The following TMEM178B variants were observed in gnomAD, a reference collection of about 807,000 sequenced individuals.
TMEM178B encodes transmembrane protein 178B.
In TMEM178B, 5 loss-of-function variants were observed where a neutral mutation model predicts 31.0. The ratio of observed to expected loss-of-function variants is 0.16; its 90% CI spans 0.08 to 0.34. The LOEUF (loss-of-function observed/expected upper bound fraction) is 0.34, where lower values mean the gene tolerates loss of function less well. Among genes scored for constraint, TMEM178B ranks in the 10% least tolerant of loss-of-function variants. The pLI is 1.00. For synonymous variants in TMEM178B, 164 were observed against 164.0 expected (o/e 1.00, Z 0.00); for missense variants, 275 against 400.3 (o/e 0.69, Z 2.67).
intron 2 of TMEM178B, among the ~76,000 whole-genome samples, chr7:141,432,346 G>C (rs554755923): frequency 6.6e-6 from 1 of 151,882 alleles, no homozygotes; most frequent in Admixed American, 6.6e-5. Flanking sequence ...ATAGAGACAG[G>C]GTTTCACCAT....
intron 1 of TMEM178B, among the ~76,000 whole-genome samples, chr7:141,090,011 A>T (rs927734517): frequency 2.9e-4 from 44 of 151,962 alleles, no homozygotes; most frequent in Non-Finnish European, 4.9e-4. Flanking sequence ...AGTATAATAA[A>T]AAAAAAAGTC....
At chr7:141,141,052 C>T (rs916122805) in intron 1 of TMEM178B, among the ~76,000 whole-genome samples, 4 of 152,146 alleles carry the variant, frequency 2.6e-5, no homozygotes, top group African/African-American at 9.7e-5. Flanking sequence ...CTTTAGGATG[C>T]AGTATCTATA....
At chr7:141,198,767 C>T (rs1054384144) in intron 1 of TMEM178B, among the ~76,000 whole-genome samples, 3 of 152,148 alleles carry the variant, frequency 2.0e-5, no homozygotes, top group Non-Finnish European at 2.9e-5. Flanking sequence ...CTTCTCGCCT[C>T]GTTTGTCTGT....
chr7:141,308,085 CTTT>C (rs1798847977), intron 2 of TMEM178B, among the ~76,000 whole-genome samples: 1 of 152,162 alleles, frequency 6.6e-6, no homozygotes, highest in South Asian at 2.1e-4. Context: ...TTTGTATCCC[CTTT>C]TGAAGATGAA....
chr7:141,097,793 C>CTTTTTTTTT (rs552569756), intron 1 of TMEM178B, among the ~76,000 whole-genome samples: 3 of 125,938 alleles, frequency 2.4e-5, no homozygotes, highest in Admixed American at 7.9e-5. Flanking sequence ...TTCTTTCTTT[C>CTTTTTTTTT]TTTTTTTTTT....
intron 2 of TMEM178B, among the ~76,000 whole-genome samples, chr7:141,436,710 G>T (rs988994693): frequency 1.3e-5 from 2 of 152,086 alleles, no homozygotes; most frequent in Admixed American, 1.3e-4. Flanking sequence ...GTGCAGGAGG[G>T]CAGGGGTGGG....
In TMEM178B at chr7:141,478,694, A is replaced by T. The variant is rs1187016763; in HGVS notation, c.*7908A>T. The T allele has an allele frequency of 6.6e-6, 1 of 152,168 alleles. No homozygotes were observed. The highest frequency in any genetic ancestry group is 2.4e-5 in the African/African-American group (1 of 41,436). 9.4% of individuals were successfully genotyped at this position (152,168 alleles called of 1,614,324 possible). On this transcript the variant is annotated 3_prime_UTR_variant, in exon 4 of 4. Coordinates refer to ENST00000565468, the MANE Select transcript of TMEM178B (RefSeq NM_001195278.2). Reference sequence around the variant, plus strand: ...GGGATATTTTACATTCTTTTTTCCAAATGAAGTCTTCAAAATCCAATGTGA... The same window carrying T: ...GGGATATTTTACATTCTTTTTTCCATATGAAGTCTTCAAAATCCAATGTGA...
chr7:141,335,911 C>G (rs971033386), intron 2 of TMEM178B, among the ~76,000 whole-genome samples: 1 of 152,096 alleles, frequency 6.6e-6, no homozygotes, highest in Non-Finnish European at 1.5e-5. Context: ...AAGCCGGGCT[C>G]TATGCGTGAA....
In TMEM178B at chr7:141,133,766, A is replaced by G. The variant is rs183915036; in HGVS notation, c.382+59074A>G. On this transcript the variant is annotated intron_variant, in intron 1 of 3. Transcript: ENST00000565468. ...TCTCAAATAGATTCAACCCAAGAAG[A>G]TCTTCCCCAAGGCAGATTGTGGTCA... is the stretch of plus-strand genomic sequence containing the variant. 7.9e-5 allele frequency among the ~76,000 whole-genome samples: 12 copies of G among 152,338 alleles called. 1 individual carries two copies. The East Asian group carries it at 2.3e-3, about 29-fold the overall frequency.
At chr7:141,163,860 A>G (rs529244792) in intron 1 of TMEM178B, among the ~76,000 whole-genome samples, 1 of 152,188 alleles carries the variant, frequency 6.6e-6, no homozygotes, top group Non-Finnish European at 1.5e-5. Context: ...GCAAAGGTAT[A>G]GATATTTGAA....
chr7:141,422,896 G>A lies in TMEM178B; in HGVS notation c.497-14712G>A, dbSNP rs182948174. ...TTGCAGAACTAGATCGGGGCACTTT[G>A]TAGCAAGCTCTACACAAGGTCTCAC... is the stretch of plus-strand genomic sequence containing the variant. On this transcript the variant is annotated intron_variant, in intron 2 of 3. Transcript: ENST00000565468. This position sits in a 1 kb window ranked among gnomAD's most constrained non-coding sequence, Gnocchi z 4.2. Among the ~76,000 whole-genome samples, 170 of 150,828 alleles carry A rather than the reference G, an allele frequency of 1.1e-3. 1 individual carries two copies. The highest frequency in any genetic ancestry group is 4.0e-3 in the African/African-American group (162 of 40,984).
At chr7:141,199,518 TTC>T (rs747976515) in intron 1 of TMEM178B, among the ~76,000 whole-genome samples, 25 of 152,202 alleles carry the variant, frequency 1.6e-4, no homozygotes, top group Admixed American at 1.2e-3. Context: ...GGGAGGCTGC[TTC>T]TCTCTCTTTA....
In TMEM178B at chr7:141,468,877, G is replaced by A. The variant is rs186217504; in HGVS notation, c.635-1659G>A. On this transcript the variant is annotated intron_variant, in intron 3 of 3. Coordinates refer to ENST00000565468, the MANE Select transcript of TMEM178B (RefSeq NM_001195278.2). ...AGACCGGCTTGAGGTGGCGGCGTCT[G>A]ATACATAGGGCTCAAAGATTGGTTG... Among the ~76,000 whole-genome samples, 4 of 152,322 alleles carry A rather than the reference G, an allele frequency of 2.6e-5. No homozygotes were observed. In the East Asian group the frequency reaches 7.7e-4, roughly 29 times the overall value.
In TMEM178B at chr7:141,220,603, C is replaced by T. The variant is rs527598824; in HGVS notation, c.496+7899C>T. 3.9e-5 allele frequency among the ~76,000 whole-genome samples: 6 copies of T among 152,212 alleles called. No homozygotes were observed. The South Asian group carries it at 1.2e-3, about 32-fold the overall frequency. ...CTGTTAAAAACATCCACGTCCTGAA[C>T]AAAACCTAAGAACCACTGTGCTGGT... On this transcript the variant is annotated intron_variant, in intron 2 of 3. Coordinates refer to ENST00000565468, the MANE Select transcript of TMEM178B (RefSeq NM_001195278.2).
At chr7:141,225,147 G>T (rs893333575) in intron 2 of TMEM178B, among the ~76,000 whole-genome samples, 1 of 152,128 alleles carries the variant, frequency 6.6e-6, no homozygotes. Flanking sequence ...GAAGAGGCAG[G>T]ACTAGAATCC....
intron 3 of TMEM178B, among the ~76,000 whole-genome samples, chr7:141,451,552 T>C (rs1380928239): frequency 1.3e-5 from 2 of 152,138 alleles, no homozygotes; most frequent in Non-Finnish European, 2.9e-5. Context: ...ACCATTAACT[T>C]ACTGACACGG....
chr7:141,210,024 T>A (rs542317960), intron 1 of TMEM178B, among the ~76,000 whole-genome samples: 15 of 152,132 alleles, frequency 9.9e-5, no homozygotes, highest in Admixed American at 2.0e-4. Flanking sequence ...CATTATCACA[T>A]TTTCCTTTAT....
At chr7:141,168,042 C>A (rs1047138541) in intron 1 of TMEM178B, among the ~76,000 whole-genome samples, 2 of 152,180 alleles carry the variant, frequency 1.3e-5, no homozygotes, top group East Asian at 1.9e-4. Context: ...GTTTATGCAT[C>A]TTTTTCAGGC....
At chr7:141,292,568 C>T (rs1402787231) in intron 2 of TMEM178B, among the ~76,000 whole-genome samples, 1 of 151,928 alleles carries the variant, frequency 6.6e-6, no homozygotes, top group African/African-American at 2.4e-5. Flanking sequence ...AACCAATATC[C>T]TTCCAGCTTC....
Sources: allele counts gnomAD v4.1 joint callset (sites outside exome capture counted in the v4.1 genomes callset), GRCh38; gene constraint gnomAD v4.1.1; non-coding constraint Gnocchi (gnomAD v3.1); transcripts MANE v1.5; gene names NCBI Gene and HGNC (gene_info 2026-07-23, HGNC 2026-07-21).